The following DAB2IP variants were observed in gnomAD, a reference collection of about 807,000 sequenced individuals.
DAB2IP encodes disabled homolog 2-interacting protein.
Under a neutral mutation model 107.2 loss-of-function variants are expected in DAB2IP, and 28 were observed. That is an observed-to-expected ratio of 0.26 (90% confidence interval 0.19 to 0.36). The LOEUF is 0.36. Ranked by LOEUF, DAB2IP falls within the 10% of genes least tolerant of loss-of-function variation. DAB2IP has a pLI of 1.00. For synonymous variants in DAB2IP, 755 were observed against 706.4 expected, an observed-to-expected ratio of 1.07 and a Z score of -1.09; for missense variants, 1,400 against 1,644.7, an observed-to-expected ratio of 0.85 and a Z score of 2.57.
At position 121,776,481 on chromosome 9, in the gene DAB2IP, C is replaced by T; in HGVS notation, c.3314+90C>T. On this transcript the variant is annotated intron_variant, in intron 14 of 15. Transcript: ENST00000408936. The surrounding 1 kb of genome is among the most constrained non-coding windows in gnomAD (Gnocchi z 5.4). The stretch of plus-strand genomic sequence containing the variant: ...GAGGCCCCTGGTCGGGGAGCCTCCT[C>T]AAAGGATAAGCTGAATGTGGAGAGA... The T allele has an allele frequency of 7.4e-7, 1 of 1,348,842 alleles. No homozygotes were observed. Among genetic ancestry groups the T allele is most frequent in the South Asian group, 1.5e-5 (1 of 65,580 alleles). The allele number at this position is 1,348,842 out of a possible 1,614,324, so 83.6% of individuals were successfully genotyped here. A position where few individuals can be genotyped will look rare whatever the true frequency, so the allele number is the denominator to read the frequency against.
intron 1 of DAB2IP, among the ~76,000 whole-genome samples, chr9:121,625,531 G>T (rs1370830420): frequency 1.2e-4 from 19 of 152,188 alleles, no homozygotes; most frequent in Admixed American, 1.2e-3. Flanking sequence ...CAGAGTGCTG[G>T]GATTATAGGC....
chr9:121,782,762 G>T lies in DAB2IP; in HGVS notation c.*264G>T. ...TGGGGAGTGGGGACAGCCTGATGGGGCAGGGGGCCTGCCAAAAATATGTCT... is the reference window on the plus strand; with the variant it reads ...TGGGGAGTGGGGACAGCCTGATGGGTCAGGGGGCCTGCCAAAAATATGTCT... On this transcript the variant is annotated 3_prime_UTR_variant, in exon 16 of 16. Transcript: ENST00000408936. This position sits in a 1 kb window ranked among gnomAD's most constrained non-coding sequence, Gnocchi z 6.1. 2 of 1,331,222 alleles carry T rather than the reference G, an allele frequency of 1.5e-6. No individual in the cohort carries two copies. Among genetic ancestry groups the T allele is most frequent in the Non-Finnish European group, 1.9e-6 (2 of 1,039,668 alleles). 82.5% of individuals were successfully genotyped at this position (1,331,222 alleles called of 1,614,324 possible).
chr9:121,602,757 AGTG>A (rs1830730925), intron 1 of DAB2IP, among the ~76,000 whole-genome samples: 1 of 151,850 alleles, frequency 6.6e-6, no homozygotes, highest in Non-Finnish European at 1.5e-5. Context: ...TTGTATTTTT[AGTG>A]GAGACAGGGT....
intron 1 of DAB2IP, among the ~76,000 whole-genome samples, chr9:121,590,580 T>C (rs1210058203): frequency 6.6e-6 from 1 of 152,154 alleles, no homozygotes; most frequent in Non-Finnish European, 1.5e-5. Context: ...GAATAGATAC[T>C]AGAACCTTTT....
chr9:121,778,751 A>G (rs1835385765), intron 14 of DAB2IP, among the ~76,000 whole-genome samples: 1 of 152,216 alleles, frequency 6.6e-6, no homozygotes, highest in African/African-American at 2.4e-5. Flanking sequence ...TGAGATGGCT[A>G]TTTACAAAAA....
At chr9:121,645,772 T>C (rs917261540) in intron 1 of DAB2IP, among the ~76,000 whole-genome samples, 1 of 152,146 alleles carries the variant, frequency 6.6e-6, no homozygotes, top group African/African-American at 2.4e-5. Flanking sequence ...CCTCGGACAT[T>C]CCGGGGCTTT....
In DAB2IP at chr9:121,699,207, C is replaced by T; in HGVS notation, c.229-118C>T. 1.0e-6 allele frequency: 1 copy of T among 981,806 alleles called. No individual in the cohort carries two copies. Among genetic ancestry groups the T allele is most frequent in the Non-Finnish European group, 1.2e-6 (1 of 827,924 alleles). 60.8% of individuals were successfully genotyped at this position (981,806 alleles called of 1,614,324 possible). On this transcript the variant is annotated intron_variant, in intron 2 of 15. Transcript: ENST00000408936. This position sits in a 1 kb window ranked among gnomAD's most constrained non-coding sequence, Gnocchi z 6.2. Reference sequence around the variant, plus strand: ...CGAGCTGCTGGGGCCGAGCCCGAGCCCGGCCCGCCCTCGGCCGCGCGGCCG... The same window carrying T: ...CGAGCTGCTGGGGCCGAGCCCGAGCTCGGCCCGCCCTCGGCCGCGCGGCCG...
chr9:121,770,552 G>A (rs1260750380), exon 11 of DAB2IP: 2 of 1,613,900 alleles, frequency 1.2e-6, no homozygotes, highest in East Asian at 2.2e-5. Context: ...ACAGAGCATA[G>A]TATCCAAACT....
intron 3 of DAB2IP, among the ~76,000 whole-genome samples, chr9:121,749,411 C>T (rs80073032): frequency 0.031 from 4,724 of 152,350 alleles, 212 homozygotes; most frequent in East Asian, 0.24. Context: ...TTGGCATGTT[C>T]TGACCTGATG....
chr9:121,670,107 C>T (rs573321433), intron 1 of DAB2IP, among the ~76,000 whole-genome samples: 1 of 152,188 alleles, frequency 6.6e-6, no homozygotes, highest in Admixed American at 6.5e-5. Flanking sequence ...CTGGCAACCA[C>T]TAATCCGTTT....
At chr9:121,598,040 G>C (rs1287170597) in intron 1 of DAB2IP, among the ~76,000 whole-genome samples, 1 of 152,220 alleles carries the variant, frequency 6.6e-6, no homozygotes, top group Non-Finnish European at 1.5e-5. Context: ...TCTGCGGCTT[G>C]GCATCAGCAT....
In DAB2IP at chr9:121,699,516, G is replaced by T. The variant is rs1829651597; in HGVS notation, c.362+58G>T. Reference sequence around the variant, plus strand: ...CCGCCGCCCCGGGCTGCGCCCCTGAGGACGCGGGGACAAAGCGCGAGCCCG... The same window carrying T: ...CCGCCGCCCCGGGCTGCGCCCCTGATGACGCGGGGACAAAGCGCGAGCCCG... On this transcript the variant is annotated intron_variant, in intron 3 of 15. Transcript: ENST00000408936. The surrounding 1 kb of genome is among the most constrained non-coding windows in gnomAD (Gnocchi z 6.2). 14 of 1,193,342 alleles carry T rather than the reference G, an allele frequency of 1.2e-5. No homozygotes were observed. Among genetic ancestry groups the T allele is most frequent in the South Asian group, 3.6e-5 (1 of 27,438 alleles). 73.9% of individuals were successfully genotyped at this position (1,193,342 alleles called of 1,614,324 possible).
At chr9:121,687,522 G>A (rs934321233) in intron 2 of DAB2IP, among the ~76,000 whole-genome samples, 3 of 152,186 alleles carry the variant, frequency 2.0e-5, no homozygotes, top group African/African-American at 4.8e-5. Context: ...GGGGTAAGGC[G>A]GGCATTGTGG....
intron 1 of DAB2IP, among the ~76,000 whole-genome samples, chr9:121,575,618 TATTCCAAAGAGGCAGG>T (rs1457341718): frequency 6.6e-6 from 1 of 152,136 alleles, no homozygotes; most frequent in Non-Finnish European, 1.5e-5. Flanking sequence ...CAGCCCTCCT[TATTCCAAAGAGGCAGG>T]TGGACCCCAC....
chr9:121,622,748 A>AC (rs763404369), intron 1 of DAB2IP, among the ~76,000 whole-genome samples: 66 of 151,752 alleles, frequency 4.3e-4, no homozygotes, highest in Non-Finnish European at 7.4e-4. Context: ...CCACCACCCC[A>AC]CCCCCTGCCC....
chr9:121,613,020 G>C (rs17438315), intron 1 of DAB2IP, among the ~76,000 whole-genome samples: 13,704 of 152,210 alleles, frequency 0.09, 749 homozygotes, highest in Non-Finnish European at 0.13. Flanking sequence ...GCTATTCCTA[G>C]AGCCCCATTT....
intron 14 of DAB2IP, among the ~76,000 whole-genome samples, chr9:121,779,077 AT>A (rs991336921): frequency 6.7e-6 from 1 of 150,164 alleles, no homozygotes; most frequent in Non-Finnish European, 1.5e-5. Flanking sequence ...TTCTTTCTTC[AT>A]TTTTTTTCTG....
In DAB2IP at chr9:121,617,344, G is replaced by C. The variant is rs908155427; in HGVS notation, c.40+50116G>C. 2.0e-5 allele frequency among the ~76,000 whole-genome samples: 3 copies of C among 152,168 alleles called. No individual in the cohort carries two copies. In the East Asian group the frequency reaches 5.8e-4, roughly 29 times the overall value. On this transcript the variant is annotated intron_variant, in intron 1 of 16. Transcript: ENST00000259371. Reference sequence around the variant, plus strand: ...GTCTCAAAAACAAAACAAAACAAAAGGGTGAGGGGAGTAGCGAGTAAATTT... The same window carrying C: ...GTCTCAAAAACAAAACAAAACAAAACGGTGAGGGGAGTAGCGAGTAAATTT...
At chr9:121,777,646 A>AC (rs1835299712) in intron 14 of DAB2IP, among the ~76,000 whole-genome samples, 1 of 152,224 alleles carries the variant, frequency 6.6e-6, no homozygotes. Context: ...CAAGTATTCC[A>AC]TATCCTTACT....
Sources: gnomAD v4.1 joint callset for allele counts (sites outside exome capture counted in the v4.1 genomes callset) on GRCh38, gnomAD v4.1.1 for gene constraint, Gnocchi (gnomAD v3.1) non-coding constraint, MANE v1.5 for transcripts, NCBI Gene and HGNC (gene_info 2026-07-23, HGNC 2026-07-21) for gene names.